Variants in SAA4 observed in about 807,000 individuals in gnomAD.
The protein encoded by SAA4 is serum amyloid A4, constitutive.
In SAA4, 8 loss-of-function variants were observed where a neutral mutation model predicts 11.2. The ratio of observed to expected loss-of-function variants is 0.71; its 90% CI spans 0.42 to 1.29. The LOEUF is 1.29. Ranked by LOEUF, SAA4 falls within the 50% of genes most tolerant of loss-of-function variation. The probability of loss-of-function intolerance (pLI) is 0.01; values close to 1 mark genes in which losing one functional copy is unlikely to be tolerated. For missense variants in SAA4, 171 were observed against 164.2 expected (o/e 1.04, Z -0.23); for synonymous variants, 60 against 56.2 (o/e 1.07, Z -0.30).
At chr11:18,234,204 C>A (rs1045858344) in intron 2 of SAA4, among the ~76,000 whole-genome samples, 2 of 152,112 alleles carry the variant, frequency 1.3e-5, no homozygotes, top group African/African-American at 4.8e-5. Flanking sequence ...TGTATGATTT[C>A]TTTTATTCAA....
In SAA4 at chr11:18,231,649, A is replaced by G; in HGVS notation, c.246T>C (p.Tyr82=). ...AATAGCAGTCTATTAATCCCTGAAGATAGACCCTGGAACGGCTGCAACCCA... is the reference window on the plus strand; with the variant it reads ...AATAGCAGTCTATTAATCCCTGAAGGTAGACCCTGGAACGGCTGCAACCCA... ...AAKLISRSRV[Y]LQGLIDCYLF... Residue 82 remains tyrosine, a synonymous_variant, in exon 4 of 4, where the codon TAT becomes TAC. Coordinates refer to ENST00000278222, the MANE Select transcript of SAA4 (RefSeq NM_006512.4). 1 of 1,613,426 alleles carries G rather than the reference A, an allele frequency of 6.2e-7. No individual in the cohort carries two copies. Among genetic ancestry groups the G allele is most frequent in the African/African-American group, 1.3e-5 (1 of 74,944 alleles).
intron 2 of SAA4, 104 bp downstream of exon 2, chr11:18,235,732 G>T: frequency 1.8e-6 from 2 of 1,121,882 alleles, no homozygotes; most frequent in Non-Finnish European, 2.6e-6. Context: ...CTCCTGCTCT[G>T]ACCTCTGTGT....
rs544759956 is a variant in SAA4, at chr11:18,236,768, C to T, written c.-56G>A. 1 of 152,368 alleles carries T rather than the reference C, an allele frequency of 6.6e-6. No individual in the cohort carries two copies. The highest frequency in any genetic ancestry group is 1.9e-4 in the East Asian group (1 of 5,186). 9.4% of individuals were successfully genotyped at this position (152,368 alleles called of 1,614,324 possible). A position where few individuals can be genotyped will look rare whatever the true frequency, so the allele number is the denominator to read the frequency against. On this transcript the variant is annotated 5_prime_UTR_variant, in exon 1 of 4. Transcript: ENST00000278222. Reference sequence around the variant, plus strand: ...TCAGTAAAGGCAGAGCTGCTGGTATCTTCTGGCCGTGGAGCTATAGTTGGT... The same window carrying T: ...TCAGTAAAGGCAGAGCTGCTGGTATTTTCTGGCCGTGGAGCTATAGTTGGT...
Position 18,235,909 on chromosome 11 carries a change from GC to G in SAA4, c.17del (p.Gly6AlafsTer37). 1 of 1,613,228 alleles carries G rather than the reference GC, an allele frequency of 6.2e-7. No individual in the cohort carries two copies. The highest frequency in any genetic ancestry group is 8.5e-7 in the Non-Finnish European group (1 of 1,179,610). On this transcript the variant is annotated frameshift_variant, in exon 2 of 4. Transcript: ENST00000278222. LOFTEE classifies it high-confidence loss of function. ...CCATGACCAAGGAGCAGAAAACAAT[GC>G]CTGTGAAAAGCCTCATTGTGCTGAA... MRLFT[G>X]IVFCSLVMGV...
In SAA4 at chr11:18,235,912, T is replaced by C. The variant is rs202089596; in HGVS notation, c.15A>G (p.Thr5=). The C allele has an allele frequency of 6.2e-7, 1 of 1,613,336 alleles. No homozygotes were observed. Among genetic ancestry groups the C allele is most frequent in the Admixed American group, 1.7e-5 (1 of 59,958 alleles). Residue 5 remains threonine (T), a synonymous_variant, in exon 2 of 4, where the codon ACA becomes ACG. Coordinates refer to ENST00000278222, the MANE Select transcript of SAA4 (RefSeq NM_006512.4). MRLF[T]GIVFCSLVMG... is the part of the protein sequence containing the mutation. Reference sequence around the variant, plus strand: ...TGACCAAGGAGCAGAAAACAATGCCTGTGAAAAGCCTCATTGTGCTGAAGA... The same window carrying C: ...TGACCAAGGAGCAGAAAACAATGCCCGTGAAAAGCCTCATTGTGCTGAAGA...
intron 3 of SAA4, 34 bp downstream of exon 3, chr11:18,232,361 G>A: frequency 6.2e-7 from 1 of 1,609,756 alleles, no homozygotes; most frequent in Non-Finnish European, 8.5e-7. Context: ...GGCACTGCTG[G>A]CCTCTCACTG....
chr11:18,235,753 A>T, intron 2 of SAA4, 83 bp downstream of exon 2: 1 of 1,371,354 alleles, frequency 7.3e-7, no homozygotes, highest in Non-Finnish European at 1.0e-6. Flanking sequence ...GGCTTCTCTA[A>T]GGAGCACTCA....
chr11:18,235,988 T>G, intron 1 of SAA4, 58 bp from the exon 2 acceptor site: 1 of 1,466,326 alleles, frequency 6.8e-7, no homozygotes, highest in Middle Eastern at 1.8e-4. Context: ...GATCTATGTT[T>G]TGAGGACTGA....
intron 2 of SAA4, among the ~76,000 whole-genome samples, chr11:18,233,914 A>T (rs1000539185): frequency 1.3e-5 from 2 of 152,156 alleles, no homozygotes; most frequent in African/African-American, 4.8e-5. Context: ...TTATGACTCT[A>T]CATTTCCATT....
In SAA4 at chr11:18,232,501, T is replaced by TATCCAATATATCCAGA. The variant is rs1564901269; in HGVS notation, c.123_124insTCTGGATATATTGGAT (p.Ile42SerfsTer25). The TATCCAATATATCCAGA allele has an allele frequency of 6.2e-7, 1 of 1,614,220 alleles. No individual in the cohort carries two copies. The highest frequency in any genetic ancestry group is 8.5e-7 in the Non-Finnish European group (1 of 1,180,040). On this transcript the variant is annotated frameshift_variant, in exon 3 of 4. Transcript: ENST00000278222. LOFTEE classifies it high-confidence loss of function. ...GAATTTTGGTGATTGGATATCATTA[T>TATCCAATATATCCAGA]GTCCCAATAGGCTCTGCCCATGTCC...
chr11:18,235,976 CAG>C, intron 1 of SAA4, 46 bp from the exon 2 acceptor site: 2 of 1,522,706 alleles, frequency 1.3e-6, no homozygotes, highest in African/African-American at 1.4e-5. Context: ...AAAAAAAACA[CAG>C]ATCTATGTTT....
At chr11:18,232,141 C>T (rs899655906) in intron 3 of SAA4, among the ~76,000 whole-genome samples, 1 of 150,006 alleles carries the variant, frequency 6.7e-6, no homozygotes, top group Non-Finnish European at 1.5e-5. Flanking sequence ...CCTTGTCCTC[C>T]CAAAGAGTTG....
intron 2 of SAA4, among the ~76,000 whole-genome samples, chr11:18,232,819 G>A (rs551540868): frequency 6.7e-6 from 1 of 150,240 alleles, no homozygotes; most frequent in East Asian, 2.0e-4. Flanking sequence ...GCTCATGTGA[G>A]GAATGCTTTT....
chr11:18,231,889 T>C (rs1452941605), intron 3 of SAA4, among the ~76,000 whole-genome samples: 1 of 147,034 alleles, frequency 6.8e-6, no homozygotes, highest in Non-Finnish European at 1.5e-5. Flanking sequence ...TTTTTTTTTT[T>C]TTTTTTTTTT....
Position 18,235,940 on chromosome 11 carries a change from A to G in SAA4, c.-4-10T>C, listed in dbSNP as rs1857201888. The G allele has an allele frequency of 3.7e-6, 6 of 1,604,042 alleles. No homozygotes were observed. Among genetic ancestry groups the G allele is most frequent in the South Asian group, 1.1e-5 (1 of 89,560 alleles). On this transcript the variant is annotated splice_polypyrimidine_tract_variant and intron_variant, in intron 1 of 3. Transcript: ENST00000278222. ...GAAAAGCCTCATTGTGCTGAAGAGA[A>G]AGAAAGACAGGGGCAGAGGATCATA...
In SAA4 at chr11:18,231,643, C is replaced by T; in HGVS notation, c.252G>A (p.Gln84=). ...CAAATAAATAGCAGTCTATTAATCC[C>T]TGAAGATAGACCCTGGAACGGCTGC... The part of the protein sequence containing the change: ...KLISRSRVYL[Q]GLIDCYLFGN... Residue 84 remains glutamine, a synonymous_variant, in exon 4 of 4, where the codon CAG becomes CAA. Transcript: ENST00000278222. The T allele has an allele frequency of 6.2e-7, 1 of 1,613,618 alleles. No individual in the cohort carries two copies. The highest frequency in any genetic ancestry group is 8.5e-7 in the Non-Finnish European group (1 of 1,179,846).
chr11:18,235,981 C>T (rs755386424), intron 1 of SAA4, 51 bp from the exon 2 acceptor site: 1 of 1,516,318 alleles, frequency 6.6e-7, no homozygotes, highest in Non-Finnish European at 8.9e-7. Context: ...AAACACAGAT[C>T]TATGTTTTGA....
chr11:18,234,419 A>G (rs1161045552), intron 2 of SAA4, among the ~76,000 whole-genome samples: 1 of 152,244 alleles, frequency 6.6e-6, no homozygotes, highest in Non-Finnish European at 1.5e-5. Flanking sequence ...TAAGTTATAT[A>G]TCATTTTAAA....
At chr11:18,232,815 G>A (rs1016626057) in intron 2 of SAA4, among the ~76,000 whole-genome samples, 1 of 151,726 alleles carries the variant, frequency 6.6e-6, no homozygotes, top group African/African-American at 2.4e-5. Flanking sequence ...GGACGCTCAT[G>A]TGAGGAATGC....
Sources: allele counts gnomAD v4.1 joint callset (sites outside exome capture counted in the v4.1 genomes callset), GRCh38; gene constraint gnomAD v4.1.1; transcripts MANE v1.5; gene names NCBI Gene and HGNC (gene_info 2026-07-23, HGNC 2026-07-21).